CACNA1E: variants seen among roughly 807,000 people sequenced by gnomAD.
CACNA1E encodes calcium voltage-gated channel subunit alpha1 E.
In CACNA1E, 40 loss-of-function variants were observed where a neutral mutation model predicts 259.2. That is an observed-to-expected ratio of 0.15 (90% CI 0.12 to 0.20). The LOEUF is 0.20. Among genes scored for constraint, CACNA1E ranks in the 10% least tolerant of loss-of-function variants. The probability of loss-of-function intolerance (pLI) is 1.00; values close to 1 mark genes in which losing one functional copy is unlikely to be tolerated. For missense variants in CACNA1E, 1,874 were observed against 3,040.1 expected (o/e 0.62, Z 9.02); for synonymous variants, 1,104 against 1,138.5 (o/e 0.97, Z 0.61).
intron 1 of CACNA1E, among the ~76,000 whole-genome samples, chr1:181,493,991 C>A (rs571165494): frequency 6.6e-6 from 1 of 152,258 alleles, no homozygotes; most frequent in South Asian, 2.1e-4. Flanking sequence ...CCTGAAGGCA[C>A]CATCCTCTTC....
In CACNA1E at chr1:181,686,541, C is replaced by G. The variant is rs140936751; in HGVS notation, c.1056-24413C>G. On this transcript the variant is annotated intron_variant, in intron 7 of 47. Transcript: ENST00000367573. Reference sequence around the variant, plus strand: ...ACCTCAGGTGATCTGCCTGCAGCAGCCTCCCAAAGTGCTGGGATTACAGGT... The same window carrying G: ...ACCTCAGGTGATCTGCCTGCAGCAGGCTCCCAAAGTGCTGGGATTACAGGT... 3.0e-3 allele frequency among the ~76,000 whole-genome samples: 454 copies of G among 152,192 alleles called. 4 individuals are homozygous for G. Among genetic ancestry groups the G allele is most frequent in the African/African-American group, 0.01 (432 of 41,522 alleles).
chr1:181,758,667 A>T lies in CACNA1E; in HGVS notation c.4495-91A>T, dbSNP rs1658306374. 2 of 713,210 alleles carry T rather than the reference A, an allele frequency of 2.8e-6. No homozygotes were observed. The highest frequency in any genetic ancestry group is 5.0e-6 in the Non-Finnish European group (2 of 400,552). 44.2% of individuals were successfully genotyped at this position (713,210 alleles called of 1,614,324 possible). A position where few individuals can be genotyped will look rare whatever the true frequency, so the allele number is the denominator to read the frequency against. On this transcript the variant is annotated intron_variant, in intron 31 of 47. Coordinates refer to ENST00000367573, the MANE Select transcript of CACNA1E (RefSeq NM_001205293.3). The surrounding 1 kb of genome is among the most constrained non-coding windows in gnomAD (Gnocchi z 4.2). ...CACACACCAGAGTGTCCCACAGGGC[A>T]GGAATGAGAGATGGCCAACCTCAGT... is the stretch of plus-strand genomic sequence containing the variant.
At chr1:181,578,836 A>T (rs1221730838) in intron 4 of CACNA1E, among the ~76,000 whole-genome samples, 1 of 152,228 alleles carries the variant, frequency 6.6e-6, no homozygotes, top group Non-Finnish European at 1.5e-5. Flanking sequence ...GAGACTGAGA[A>T]CTGGGTCTGA....
intron 6 of CACNA1E, among the ~76,000 whole-genome samples, chr1:181,621,810 T>C (rs1434685605): frequency 1.3e-5 from 2 of 152,156 alleles, no homozygotes; most frequent in African/African-American, 4.8e-5. Context: ...AGAGACTGAG[T>C]GACCTATTGT....
At position 181,804,151 on chromosome 1, in the gene CACNA1E, T is replaced by C. The variant is rs1421701689; in HGVS notation, c.*5317T>C. 6.6e-6 allele frequency: 1 copy of C among 152,182 alleles called. No individual in the cohort carries two copies. The highest frequency in any genetic ancestry group is 1.5e-5 in the Non-Finnish European group (1 of 68,040). The allele number at this position is 152,182 out of a possible 1,614,324, so 9.4% of individuals were successfully genotyped here. ...AAAGAGGTGTGGGGATTTATGTTTATTTTTATTTGTTTGGGGTTGTTTGGT... is the reference window on the plus strand; with the variant it reads ...AAAGAGGTGTGGGGATTTATGTTTACTTTTATTTGTTTGGGGTTGTTTGGT... On this transcript the variant is annotated 3_prime_UTR_variant, in exon 48 of 48. Transcript: ENST00000367573.
chr1:181,732,940 A>G lies in CACNA1E; in HGVS notation c.2854A>G (p.Met952Val), dbSNP rs1468562123. The G allele has an allele frequency of 2.5e-6, 4 of 1,613,958 alleles. No individual in the cohort carries two copies. The highest frequency in any genetic ancestry group is 2.7e-5 in the African/African-American group (2 of 74,950). ...CCAGGAACGCAGTCTGGATGAAGCC[A>G]TGCCCACTGAAGGGGAGAAGGACCA... is the stretch of plus-strand genomic sequence containing the variant. ...ASQERSLDEA[M>V]PTEGEKDHEL... The change falls in exon 20 of 48, where the codon ATG (methionine) becomes GTG (valine). Residue 952 changes from methionine to valine, a missense_variant. Coordinates refer to ENST00000367573, the MANE Select transcript of CACNA1E (RefSeq NM_001205293.3). This position sits in a 1 kb window ranked among gnomAD's most constrained non-coding sequence, Gnocchi z 5.5.
At chr1:181,637,166 C>A (rs1014107916) in intron 6 of CACNA1E, among the ~76,000 whole-genome samples, 4 of 152,190 alleles carry the variant, frequency 2.6e-5, no homozygotes, top group African/African-American at 4.8e-5. Flanking sequence ...AAAGCAGAAT[C>A]TACCAGTTTT....
At position 181,766,869 on chromosome 1, in the gene CACNA1E, G is replaced by C. The variant is rs552446406; in HGVS notation, c.4881+258G>C. On this transcript the variant is annotated intron_variant, in intron 35 of 47. Coordinates refer to ENST00000367573, the MANE Select transcript of CACNA1E (RefSeq NM_001205293.3). ...GTCAGATCATGGTGCTAATTCATAAGCAGCTGGGCTTCTGTGGTGACAGCC... is the reference window on the plus strand; with the variant it reads ...GTCAGATCATGGTGCTAATTCATAACCAGCTGGGCTTCTGTGGTGACAGCC... Among the ~76,000 whole-genome samples, 24 of 152,302 alleles carry C rather than the reference G, an allele frequency of 1.6e-4. No homozygotes were observed. The South Asian group carries it at 4.8e-3, about 30-fold the overall frequency.
intron 3 of CACNA1E, among the ~76,000 whole-genome samples, chr1:181,540,040 G>T (rs1288778521): frequency 2.6e-5 from 4 of 152,108 alleles, no homozygotes; most frequent in Non-Finnish European, 5.9e-5. Flanking sequence ...GATGCTCAAT[G>T]AACACCTCCT....
chr1:181,666,577 T>C (rs1648248777), intron 7 of CACNA1E, among the ~76,000 whole-genome samples: 1 of 152,058 alleles, frequency 6.6e-6, no homozygotes. Context: ...AAAATGTAAA[T>C]GTATAAGAGT....
intron 4 of CACNA1E, among the ~76,000 whole-genome samples, chr1:181,578,509 G>A (rs550381457): frequency 6.6e-6 from 1 of 152,352 alleles, no homozygotes; most frequent in South Asian, 2.1e-4. Flanking sequence ...CAAGGCTGCA[G>A]TGAGCCAAGA....
chr1:181,448,951 C>G (rs1660973732), intron 2 of CACNA1E, among the ~76,000 whole-genome samples: 1 of 152,252 alleles, frequency 6.6e-6, no homozygotes, highest in Non-Finnish European at 1.5e-5. Context: ...TTGACTGGCA[C>G]AGAACGGCCT....
At chr1:181,433,154 CT>C (rs1431091790) in intron 2 of CACNA1E, among the ~76,000 whole-genome samples, 1 of 152,112 alleles carries the variant, frequency 6.6e-6, no homozygotes, top group Non-Finnish European at 1.5e-5. Context: ...GGATTGTCAC[CT>C]TTTTTTCTTG....
chr1:181,479,050 G>T (rs904032691), upstream of CACNA1E, among the ~76,000 whole-genome samples: 2 of 152,218 alleles, frequency 1.3e-5, no homozygotes, highest in Admixed American at 6.5e-5. Flanking sequence ...TTTTCCACTT[G>T]CTTCCTTAGC....
At chr1:181,554,724 G>A (rs1488762814) in intron 3 of CACNA1E, among the ~76,000 whole-genome samples, 1 of 152,164 alleles carries the variant, frequency 6.6e-6, no homozygotes, top group African/African-American at 2.4e-5. Flanking sequence ...ATTCTCCTGG[G>A]ATTGACAATG....
intron 6 of CACNA1E, among the ~76,000 whole-genome samples, chr1:181,625,047 CTTTTTTTTT>C (rs3083524): frequency 2.7e-4 from 29 of 108,674 alleles, no homozygotes; most frequent in African/African-American, 8.8e-4. Flanking sequence ...TGAAAGGAAT[CTTTTTTTTT>C]TTTTTTTTTT....
chr1:181,543,056 T>C (rs796354040), intron 3 of CACNA1E, among the ~76,000 whole-genome samples: 3 of 152,130 alleles, frequency 2.0e-5, no homozygotes, highest in African/African-American at 7.2e-5. Context: ...AAATGTCACA[T>C]ATTAAAATAT....
chr1:181,412,448 T>TG (rs1256342758), intron 1 of CACNA1E, among the ~76,000 whole-genome samples: 1 of 152,094 alleles, frequency 6.6e-6, no homozygotes, highest in East Asian at 1.9e-4. Context: ...TGTGTGCCTG[T>TG]GGTTCCAGTT....
At chr1:181,325,493 A>T (rs1650704738) in intron 1 of CACNA1E, among the ~76,000 whole-genome samples, 4 of 152,036 alleles carry the variant, frequency 2.6e-5, no homozygotes. Context: ...TCAAATTCTC[A>T]TGCCCAGTCC....
Sources: gnomAD v4.1 joint callset for allele counts (sites outside exome capture counted in the v4.1 genomes callset) on GRCh38, gnomAD v4.1.1 for gene constraint, Gnocchi (gnomAD v3.1) non-coding constraint, MANE v1.5 for transcripts, NCBI Gene and HGNC (gene_info 2026-07-23, HGNC 2026-07-21) for gene names.